Variants in DAB1 observed in about 807,000 individuals in gnomAD.
DAB1 encodes the protein DAB adaptor protein 1.
In DAB1, 15 loss-of-function variants were observed where a neutral mutation model predicts 64.6. That is an observed-to-expected ratio of 0.23 (90% CI 0.16 to 0.36). The LOEUF is 0.36. Ranked by LOEUF, DAB1 falls within the 10% of genes least tolerant of loss-of-function variation. DAB1 has a pLI of 1.00. For synonymous variants in DAB1, 235 were observed against 251.9 expected (o/e 0.93, Z 0.64); for missense variants, 596 against 706.7 (o/e 0.84, Z 1.78).
At chr1:57,661,892 T>C (rs1009395711) in intron 6 of DAB1, among the ~76,000 whole-genome samples, 1 of 152,136 alleles carries the variant, frequency 6.6e-6, no homozygotes, top group African/African-American at 2.4e-5. Flanking sequence ...GCTGATGCAG[T>C]GGGCTTCTGA....
intron 4 of DAB1, among the ~76,000 whole-genome samples, chr1:58,160,836 A>G (rs905122680): frequency 1.3e-5 from 2 of 152,130 alleles, no homozygotes; most frequent in Admixed American, 1.3e-4. Context: ...ACCAATACCA[A>G]TCCAGTGCTT....
chr1:58,179,026 A>C (rs1656638770), intron 4 of DAB1, among the ~76,000 whole-genome samples: 1 of 152,070 alleles, frequency 6.6e-6, no homozygotes, highest in Admixed American at 6.6e-5. Context: ...AATTTACTGA[A>C]AGTTTTTGTA....
intron 1 of DAB1, among the ~76,000 whole-genome samples, chr1:57,339,699 C>T (rs1677413275): frequency 1.3e-5 from 2 of 152,186 alleles, no homozygotes; most frequent in Admixed American, 1.3e-4. Flanking sequence ...TTGCTGAACA[C>T]ACACTATGTG....
chr1:57,441,351 T>C (rs200825084), intron 7 of DAB1, among the ~76,000 whole-genome samples: 13 of 135,522 alleles, frequency 9.6e-5, no homozygotes, highest in African/African-American at 2.9e-4. Context: ...TTCTTTCTTT[T>C]TTTCTTTCTT....
At chr1:57,030,268 G>A (rs1321162704) in intron 9 of DAB1, among the ~76,000 whole-genome samples, 1 of 152,208 alleles carries the variant, frequency 6.6e-6, no homozygotes, top group Non-Finnish European at 1.5e-5. Flanking sequence ...CCCCAGACAA[G>A]TGGAACTGTG....
chr1:58,349,488 C>A (rs183655769), intron 3 of DAB1, among the ~76,000 whole-genome samples: 2 of 151,658 alleles, frequency 1.3e-5, no homozygotes. Context: ...ATTTTAAGTT[C>A]GGGGTACATG....
chr1:57,034,502 G>T (rs957544757), intron 9 of DAB1, among the ~76,000 whole-genome samples: 3 of 152,194 alleles, frequency 2.0e-5, no homozygotes, highest in African/African-American at 7.2e-5. Flanking sequence ...GCTGGTAGAG[G>T]GTCTGGCACA....
chr1:58,469,897 A>G (rs1394262405), intron 3 of DAB1, among the ~76,000 whole-genome samples: 1 of 152,078 alleles, frequency 6.6e-6, no homozygotes, highest in Non-Finnish European at 1.5e-5. Context: ...ATAATACTTA[A>G]TATTTTAAAT....
chr1:57,602,557 A>G (rs1010972185), intron 7 of DAB1, among the ~76,000 whole-genome samples: 1 of 152,202 alleles, frequency 6.6e-6, no homozygotes, highest in Admixed American at 6.5e-5. Flanking sequence ...AGCTGCAAGC[A>G]ACAGAAATGG....
chr1:57,036,702 C>T (rs1490394373), intron 9 of DAB1, among the ~76,000 whole-genome samples: 2 of 152,080 alleles, frequency 1.3e-5, no homozygotes, highest in African/African-American at 4.8e-5. Context: ...CTCAACATGA[C>T]ATCAAATTTA....
chr1:57,727,371 G>T (rs1647230061), intron 6 of DAB1, among the ~76,000 whole-genome samples: 1 of 152,210 alleles, frequency 6.6e-6, no homozygotes, highest in South Asian at 2.1e-4. Flanking sequence ...CACAGGAATA[G>T]CAGTCGGTGG....
At chr1:58,281,971 C>A (rs1282361718) in intron 4 of DAB1, among the ~76,000 whole-genome samples, 1 of 152,054 alleles carries the variant, frequency 6.6e-6, no homozygotes, top group Non-Finnish European at 1.5e-5. Flanking sequence ...TCATCATTAC[C>A]ATCATCACAT....
At chr1:57,038,187 T>C (rs962464586) in intron 9 of DAB1, among the ~76,000 whole-genome samples, 9 of 152,208 alleles carry the variant, frequency 5.9e-5, no homozygotes, top group Non-Finnish European at 1.2e-4. Flanking sequence ...GAATATCCTA[T>C]ATTTGCATTG....
intron 3 of DAB1, among the ~76,000 whole-genome samples, chr1:58,362,601 A>T (rs1029313890): frequency 2.0e-5 from 3 of 152,196 alleles, no homozygotes; most frequent in Non-Finnish European, 1.5e-5. Flanking sequence ...TTTGCTTTCT[A>T]TCACTTGTAG....
intron 2 of DAB1, among the ~76,000 whole-genome samples, chr1:58,521,623 A>T (rs1160091617): frequency 2.2e-4 from 33 of 152,104 alleles, no homozygotes; most frequent in Admixed American, 2.2e-3. Context: ...CAGACATTAA[A>T]ATATAATAAG....
intron 4 of DAB1, among the ~76,000 whole-genome samples, chr1:58,201,301 A>G (rs1657985716): frequency 6.6e-6 from 1 of 152,098 alleles, no homozygotes; most frequent in Non-Finnish European, 1.5e-5. Context: ...TGTTTTATTA[A>G]TTAATTCAGT....
Position 57,739,176 on chromosome 1 carries a change from T to C in DAB1, n.552-89511A>G, listed in dbSNP as rs566160140. Among the ~76,000 whole-genome samples the C allele has an allele frequency of 1.0e-3, 156 of 152,280 alleles. 3 individuals are homozygous for C. Among genetic ancestry groups the C allele is most frequent in the Admixed American group, 0.01 (156 of 15,308 alleles). On this transcript the variant is annotated intron_variant and non_coding_transcript_variant, in intron 6 of 20. Transcript: ENST00000485760. Reference sequence around the variant, plus strand: ...ACTTTAAAGGATAAATATTAATAGATAGTCATCCACCTCTGGTCCTAAATC... The same window carrying C: ...ACTTTAAAGGATAAATATTAATAGACAGTCATCCACCTCTGGTCCTAAATC...
intron 2 of DAB1, among the ~76,000 whole-genome samples, chr1:57,211,763 A>AC (rs1666024465): frequency 6.6e-6 from 1 of 152,112 alleles, no homozygotes; most frequent in Non-Finnish European, 1.5e-5. Context: ...AAAAAGTAAA[A>AC]AACAATAACA....
intron 1 of DAB1, among the ~76,000 whole-genome samples, chr1:57,308,068 A>C (rs1674350034): frequency 6.6e-6 from 1 of 152,218 alleles, no homozygotes; most frequent in African/African-American, 2.4e-5. Context: ...TAAAATTTAC[A>C]GTCTAAATTA....
Sources: gnomAD v4.1 joint callset for allele counts (sites outside exome capture counted in the v4.1 genomes callset) on GRCh38, gnomAD v4.1.1 for gene constraint, MANE v1.5 for transcripts, NCBI Gene and HGNC (gene_info 2026-07-23, HGNC 2026-07-21) for gene names.